Variants in DMD observed in about 807,000 individuals in gnomAD.
The protein encoded by DMD is dystrophin, also known as mutant dystrophin.
DMD carries 63 observed loss-of-function variants against 330.1 expected under a neutral mutation model. That is an observed-to-expected ratio of 0.19 (90% CI 0.16 to 0.24). The LOEUF is 0.24. DMD is among the 10% of genes least tolerant of loss of function. DMD has a pLI of 1.00. For synonymous variants in DMD, 1,223 were observed against 959.8 expected (o/e 1.27, Z -5.07); for missense variants, 3,344 against 2,684.1 (o/e 1.25, Z -5.43).
intron 45 of DMD, among the ~76,000 whole-genome samples, chrX:31,962,794 C>A (rs1453425353): frequency 9.0e-6 from 1 of 111,151 alleles, no homozygotes; most frequent in East Asian, 2.8e-4. Context: ...GAGTCAAGGT[C>A]TAAACTGGCA....
At chrX:32,733,115 A>C (rs1300563710) in intron 7 of DMD, among the ~76,000 whole-genome samples, 1 of 108,441 alleles carries the variant, frequency 9.2e-6, no homozygotes, top group Non-Finnish European at 1.9e-5. Flanking sequence ...TTGCAATCCT[A>C]GTCTCTGATA....
intron 44 of DMD, among the ~76,000 whole-genome samples, chrX:32,014,786 G>T (rs996178981): frequency 4.5e-5 from 5 of 112,182 alleles, no homozygotes; most frequent in African/African-American, 1.6e-4. Flanking sequence ...AAAAGTTCTA[G>T]TTGGGTCAGA....
At chrX:31,382,528 T>C (rs969618006) in intron 60 of DMD, among the ~76,000 whole-genome samples, 1 of 111,819 alleles carries the variant, frequency 8.9e-6, no homozygotes, top group African/African-American at 3.3e-5. Context: ...GTAAATAATC[T>C]TTGCTGGCAA....
intron 26 of DMD, among the ~76,000 whole-genome samples, chrX:32,453,642 A>C (rs2098342869): frequency 9.0e-6 from 1 of 110,733 alleles, no homozygotes; most frequent in Non-Finnish European, 1.9e-5. Flanking sequence ...TTGTGTTAGA[A>C]ATTTCATATT....
At chrX:32,252,655 A>ATATATAAAT (rs2097269285) in intron 43 of DMD, among the ~76,000 whole-genome samples, 1 of 29,882 alleles carries the variant, frequency 3.3e-5, no homozygotes, top group South Asian at 2.0e-3. Flanking sequence ...TATAAATACA[A>ATATATAAAT]ATATATAAAT....
chrX:32,132,993 C>CTTTTTTTTT (rs377615262), intron 44 of DMD, among the ~76,000 whole-genome samples: 16 of 75,960 alleles, frequency 2.1e-4, no homozygotes, highest in African/African-American at 4.1e-4. Flanking sequence ...CTTTTCTTTT[C>CTTTTTTTTT]TTTTTTTTTT....
chrX:31,743,268 C>A (rs1030310603), intron 51 of DMD, among the ~76,000 whole-genome samples: 7 of 112,675 alleles, frequency 6.2e-5, no homozygotes, highest in Non-Finnish European at 1.3e-4. Flanking sequence ...ATTAGTTCAG[C>A]CACAGTGAAA....
intron 1 of DMD, among the ~76,000 whole-genome samples, chrX:33,290,903 G>A (rs950579517): frequency 9.0e-6 from 1 of 111,177 alleles, no homozygotes; most frequent in African/African-American, 3.3e-5. Context: ...TTCAAACAAC[G>A]GATATATTCT....
intron 74 of DMD, among the ~76,000 whole-genome samples, chrX:31,157,813 TC>T (rs1416799314): frequency 9.0e-4 from 96 of 106,620 alleles, no homozygotes; most frequent in African/African-American, 3.3e-3. Context: ...TTTTTTTTTT[TC>T]TTTTTTTGAG....
chrX:32,949,106 CTTGAA>C (rs991222566), intron 2 of DMD, among the ~76,000 whole-genome samples: 2 of 110,628 alleles, frequency 1.8e-5, no homozygotes, highest in African/African-American at 6.6e-5. Context: ...TCTATAGTGC[CTTGAA>C]TTAACAAATA....
intron 62 of DMD, among the ~76,000 whole-genome samples, chrX:31,307,113 A>G (rs1471099571): frequency 9.0e-6 from 1 of 111,168 alleles, no homozygotes; most frequent in East Asian, 2.8e-4. Flanking sequence ...ACACATCAGG[A>G]CTTTTAGGTT....
In DMD at chrX:31,840,549, C is replaced by CTTTTTT. The variant is rs1207207240; in HGVS notation, c.7099-3736_7099-3731dup. ...TGCCTTATTGGCTCTGCAGATACTG[C>CTTTTTT]TTTTTTTTTTTTTTTTTTTTTACAA... On this transcript the variant is annotated intron_variant, in intron 48 of 78. Coordinates refer to ENST00000357033, the MANE Select transcript of DMD (RefSeq NM_004006.3). Among the ~76,000 whole-genome samples the CTTTTTT allele has an allele frequency of 5.2e-5, 4 of 76,406 alleles. 1 individual carries two copies. Among genetic ancestry groups the CTTTTTT allele is most frequent in the East Asian group, 4.3e-4 (1 of 2,321 alleles). The allele number at this position is 76,406 out of a possible 115,157, so 66.3% of individuals were successfully genotyped here.
At chrX:32,972,187 G>T (rs776336549) in intron 2 of DMD, among the ~76,000 whole-genome samples, 115 of 110,154 alleles carry the variant, frequency 1.0e-3, no homozygotes, top group Admixed American at 4.8e-3. Flanking sequence ...AATTTTTTTG[G>T]TTTTTTTTAA....
chrX:31,310,176 CCTCTCTCTCT>C (rs3032536), intron 62 of DMD, among the ~76,000 whole-genome samples: 2 of 91,548 alleles, frequency 2.2e-5, no homozygotes, highest in South Asian at 5.7e-4. Context: ...TCTTCGTTGT[CCTCTCTCTCT>C]CTCTCTCTCT....
At chrX:33,243,375 T>TA (rs2052618267) in intron 1 of DMD, among the ~76,000 whole-genome samples, 1 of 111,653 alleles carries the variant, frequency 9.0e-6, no homozygotes. Context: ...TGGCTATTAT[T>TA]AAAAAACAAA....
intron 2 of DMD, among the ~76,000 whole-genome samples, chrX:33,001,289 C>T (rs1462673488): frequency 8.9e-6 from 1 of 111,823 alleles, no homozygotes; most frequent in Non-Finnish European, 1.9e-5. Context: ...TAAAAGACTC[C>T]TGTGTCTCAT....
At chrX:31,596,241 C>T (rs1009562858) in intron 55 of DMD, among the ~76,000 whole-genome samples, 2 of 111,697 alleles carry the variant, frequency 1.8e-5, no homozygotes, top group Non-Finnish European at 3.8e-5. Context: ...CAAAACTTTG[C>T]GATGTACTTC....
intron 52 of DMD, among the ~76,000 whole-genome samples, chrX:31,709,861 A>G (rs1185811624): frequency 9.0e-6 from 1 of 110,920 alleles, no homozygotes; most frequent in Non-Finnish European, 1.9e-5. Flanking sequence ...ATATCTCTTT[A>G]AGTCTCTCTT....
chrX:32,189,988 A>G (rs2147574769), intron 44 of DMD, among the ~76,000 whole-genome samples: 1 of 111,268 alleles, frequency 9.0e-6, no homozygotes, highest in South Asian at 3.8e-4. Flanking sequence ...TAAACATACC[A>G]GCTTTCTTAG....
Sources: allele counts gnomAD v4.1 joint callset (sites outside exome capture counted in the v4.1 genomes callset), GRCh38; gene constraint gnomAD v4.1.1; transcripts MANE v1.5; gene names NCBI Gene and HGNC (gene_info 2026-07-23, HGNC 2026-07-21).